PRKN: variants seen among roughly 807,000 people sequenced by gnomAD.
PRKN encodes the protein E3 ubiquitin-protein ligase parkin.
A neutral mutation model predicts 59.5 loss-of-function variants in PRKN; 56 were observed. The observed-to-expected ratio is 0.94, with a 90% confidence interval of 0.76 to 1.18. The LOEUF (loss-of-function observed/expected upper bound fraction) is 1.18. PRKN is among the 50% of genes most tolerant of loss of function. The pLI is 0.00. For missense variants in PRKN, 657 were observed against 596.4 expected (o/e 1.10, Z -1.06); for synonymous variants, 250 against 222.1 (o/e 1.13, Z -1.12).
chr6:161,748,162 G>A (rs146630920), intron 7 of PRKN, among the ~76,000 whole-genome samples: 51 of 152,226 alleles, frequency 3.4e-4, no homozygotes, highest in African/African-American at 9.9e-4. Flanking sequence ...CGCTGCATAC[G>A]TTTTTCTCAG....
chr6:162,600,814 C>A (rs559347402), intron 1 of PRKN, among the ~76,000 whole-genome samples: 1 of 152,158 alleles, frequency 6.6e-6, no homozygotes, highest in African/African-American at 2.4e-5. Flanking sequence ...TTCCCCTTCG[C>A]CTTCCACCAT....
rs386409169 is a variant in PRKN, at chr6:161,638,738, A to ATTTTTTTTTT, written c.872-69332_872-69323dup. 4.5e-3 allele frequency among the ~76,000 whole-genome samples: 447 copies of ATTTTTTTTTT among 100,156 alleles called. 51 individuals are homozygous for ATTTTTTTTTT. Among genetic ancestry groups the ATTTTTTTTTT allele is most frequent in the African/African-American group, 0.018 (403 of 22,276 alleles). 65.7% of individuals were successfully genotyped at this position (100,156 alleles called of 152,430 possible). A position where few individuals can be genotyped will look rare whatever the true frequency, so the allele number is the denominator to read the frequency against. ...AGTGAGTGAGTTCTCACGAGATCTG[A>ATTTTTTTTTT]TTTTTTTTTTTTTTTTTTTTTGAGA... On this transcript the variant is annotated intron_variant, in intron 7 of 11. Coordinates refer to ENST00000366898, the MANE Select transcript of PRKN (RefSeq NM_004562.3).
intron 2 of PRKN, among the ~76,000 whole-genome samples, chr6:162,394,475 A>G (rs962655717): frequency 6.6e-6 from 1 of 152,180 alleles, no homozygotes; most frequent in African/African-American, 2.4e-5. Flanking sequence ...CTACTACAAG[A>G]TAGTCTGTGT....
chr6:161,962,357 A>G (rs1780411816), intron 6 of PRKN, among the ~76,000 whole-genome samples: 1 of 152,164 alleles, frequency 6.6e-6, no homozygotes. Context: ...GCAAATTGCT[A>G]ATTATAAGGA....
rs538592150 is a variant in PRKN at position 162,292,706 on chromosome 6, G to A, written c.172-29941C>T. Among the ~76,000 whole-genome samples the A allele has an allele frequency of 3.3e-5, 5 of 152,310 alleles. No homozygotes were observed. The South Asian group carries it at 1.0e-3, about 32-fold the overall frequency. ...GGTCTGGATGAGAGCAGCTGGGTGA[G>A]AAGCAGCACCACTGCCTTCCTTAGA... On this transcript the variant is annotated intron_variant, in intron 2 of 11. Coordinates refer to ENST00000366898, the MANE Select transcript of PRKN (RefSeq NM_004562.3).
chr6:162,452,641 T>C (rs1221546276), intron 1 of PRKN, among the ~76,000 whole-genome samples: 1 of 151,972 alleles, frequency 6.6e-6, no homozygotes, highest in Non-Finnish European at 1.5e-5. Flanking sequence ...CCAAAAAATA[T>C]TGAAATAATC....
chr6:162,204,840 T>C (rs1330274761), intron 3 of PRKN, among the ~76,000 whole-genome samples: 3 of 151,662 alleles, frequency 2.0e-5, no homozygotes, highest in Non-Finnish European at 4.4e-5. Flanking sequence ...GCCTAAGAAG[T>C]CCATCTTCTT....
chr6:162,025,670 C>A (rs1357410051), intron 5 of PRKN, among the ~76,000 whole-genome samples: 1 of 145,150 alleles, frequency 6.9e-6, no homozygotes, highest in Admixed American at 7.3e-5. Context: ...CTCACTGCAA[C>A]CTCCGCCTCC....
chr6:161,704,256 G>A (rs992623491), intron 7 of PRKN, among the ~76,000 whole-genome samples: 1 of 152,056 alleles, frequency 6.6e-6, no homozygotes, highest in African/African-American at 2.4e-5. Context: ...GTGCATGAAG[G>A]CAGTCTCAGG....
chr6:162,167,384 T>C (rs1319658256), intron 4 of PRKN, among the ~76,000 whole-genome samples: 2 of 152,186 alleles, frequency 1.3e-5, no homozygotes, highest in Non-Finnish European at 2.9e-5. Flanking sequence ...CCTTGATCTC[T>C]TAAGCAAAAT....
rs144689234 is a variant in PRKN at position 162,044,017 on chromosome 6, T to C, written c.618+10074A>G. ...CAGTTCTAAACGAACATCTCATTTG[T>C]ATGTTGTGTTCTGAGTTTTAGGGAA... On this transcript the variant is annotated intron_variant, in intron 5 of 11. Transcript: ENST00000366898. Among the ~76,000 whole-genome samples, 6 of 152,336 alleles carry C rather than the reference T, an allele frequency of 3.9e-5. No individual in the cohort carries two copies. In the East Asian group the frequency reaches 1.2e-3, roughly 29 times the overall value.
intron 4 of PRKN, among the ~76,000 whole-genome samples, chr6:162,150,295 G>A (rs774569573): frequency 2.0e-5 from 3 of 152,116 alleles, no homozygotes; most frequent in Non-Finnish European, 4.4e-5. Context: ...AGAAGACAGT[G>A]GCAAAATGTT....
chr6:161,709,427 C>T (rs1477792544), intron 7 of PRKN, among the ~76,000 whole-genome samples: 1 of 151,926 alleles, frequency 6.6e-6, no homozygotes, highest in Non-Finnish European at 1.5e-5. Flanking sequence ...AAAGTAGAAA[C>T]ATTTCTTGCT....
intron 9 of PRKN, among the ~76,000 whole-genome samples, chr6:161,515,776 G>A (rs1778564985): frequency 6.6e-6 from 1 of 152,252 alleles, no homozygotes; most frequent in East Asian, 1.9e-4. Flanking sequence ...CAGGTCTCAA[G>A]GTTCTTCTTA....
chr6:162,718,608 G>T (rs997633751), intron 1 of PRKN, among the ~76,000 whole-genome samples: 15 of 152,016 alleles, frequency 9.9e-5, no homozygotes, highest in Non-Finnish European at 1.3e-4. Context: ...AGCTACTCGG[G>T]AGGCTGAGGC....
intron 5 of PRKN, among the ~76,000 whole-genome samples, chr6:162,022,170 A>T (rs1783233296): frequency 6.6e-6 from 1 of 152,054 alleles, no homozygotes; most frequent in African/African-American, 2.4e-5. Context: ...TGAGTTTTTG[A>T]TAGAATGATT....
chr6:161,380,342 T>C (rs1213500214), intron 10 of PRKN, among the ~76,000 whole-genome samples: 2 of 152,134 alleles, frequency 1.3e-5, no homozygotes, highest in Non-Finnish European at 1.5e-5. Flanking sequence ...ATACAACATT[T>C]TAATTATTTG....
intron 2 of PRKN, among the ~76,000 whole-genome samples, chr6:162,392,758 T>C (rs1787266642): frequency 6.6e-6 from 1 of 152,170 alleles, no homozygotes. Context: ...TTTTCTACAT[T>C]TTTAAAACTC....
At chr6:161,994,193 T>G (rs2128259714) in intron 5 of PRKN, among the ~76,000 whole-genome samples, 1 of 150,130 alleles carries the variant, frequency 6.7e-6, no homozygotes, top group East Asian at 2.0e-4. Flanking sequence ...TCAATAAATG[T>G]GATACATCAC....
Sources: gnomAD v4.1 joint callset for allele counts (sites outside exome capture counted in the v4.1 genomes callset) on GRCh38, gnomAD v4.1.1 for gene constraint, MANE v1.5 for transcripts, NCBI Gene and HGNC (gene_info 2026-07-23, HGNC 2026-07-21) for gene names.